Variants in THBS4 observed in about 807,000 individuals in gnomAD.
The protein encoded by THBS4 is thrombospondin 4.
Under a neutral mutation model 115.7 loss-of-function variants are expected in THBS4, and 90 were observed. The ratio of observed to expected loss-of-function variants is 0.78; its 90% CI spans 0.66 to 0.93. The LOEUF is 0.93. Ranked by LOEUF, THBS4 falls within the 40% of genes least tolerant of loss-of-function variation. THBS4 has a pLI of 0.00. For missense variants in THBS4, 1,087 were observed against 1,232.7 expected (o/e 0.88, Z 1.77); for synonymous variants, 460 against 479.3 (o/e 0.96, Z 0.53).
intron 2 of THBS4, among the ~76,000 whole-genome samples, chr5:80,055,227 C>A (rs435610): frequency 2.0e-5 from 3 of 151,834 alleles, no homozygotes; most frequent in African/African-American, 7.3e-5. Flanking sequence ...GAGGCTAAGA[C>A]AGAAGGATGA....
At chr5:80,002,983 A>T (rs1289991836) in intron 2 of THBS4, among the ~76,000 whole-genome samples, 2 of 151,872 alleles carry the variant, frequency 1.3e-5, no homozygotes, top group East Asian at 3.9e-4. Context: ...AAATTCCCTG[A>T]TTCTTAACAG....
intron 1 of THBS4, among the ~76,000 whole-genome samples, chr5:79,993,903 A>G (rs1346153810): frequency 3.9e-5 from 6 of 152,222 alleles, no homozygotes; most frequent in African/African-American, 1.4e-4. Flanking sequence ...AGATTCTGTA[A>G]TTTGTGTTCA....
At chr5:80,003,825 A>T (rs544940772) in intron 2 of THBS4, among the ~76,000 whole-genome samples, 1 of 152,316 alleles carries the variant, frequency 6.6e-6, no homozygotes, top group African/African-American at 2.4e-5. Flanking sequence ...CCTCTATAGC[A>T]TCTGGTATTT....
chr5:79,995,630 T>C (rs1831775910), intron 1 of THBS4, among the ~76,000 whole-genome samples: 1 of 152,076 alleles, frequency 6.6e-6, no homozygotes, highest in African/African-American at 2.4e-5. Flanking sequence ...TCCTAGAAAT[T>C]GCCCTAAGAG....
intron 20 of THBS4, among the ~76,000 whole-genome samples, chr5:80,080,635 G>A (rs1743455319): frequency 7.5e-6 from 1 of 134,200 alleles, no homozygotes. Context: ...TTGCCAGGCA[G>A]GAGTACTGTG....
chr5:80,003,341 G>A (rs1361249932), intron 2 of THBS4, among the ~76,000 whole-genome samples: 2 of 152,136 alleles, frequency 1.3e-5, no homozygotes, highest in African/African-American at 4.8e-5. Context: ...GATCAGAGGG[G>A]CAGAGGATGA....
intron 2 of THBS4, among the ~76,000 whole-genome samples, chr5:80,026,665 C>G (rs6874832): frequency 0.23 from 35,697 of 152,124 alleles, 4,639 homozygotes; most frequent in African/African-American, 0.34. Context: ...TTTCACATCA[C>G]AAATATTAAA....
intron 2 of THBS4, chr5:80,019,705 G>A: frequency 5.0e-6 from 1 of 198,220 alleles, no homozygotes; most frequent in Non-Finnish European, 1.1e-5. Flanking sequence ...CTGGGCTTGG[G>A]ATGTTGTGGT....
chr5:80,072,558 G>C, intron 14 of THBS4, 162 bp downstream of exon 14: 1 of 675,964 alleles, frequency 1.5e-6, no homozygotes, highest in Non-Finnish European at 2.6e-6. Context: ...GAAGATGGTG[G>C]GATGAACACC....
intron 2 of THBS4, among the ~76,000 whole-genome samples, chr5:80,020,593 G>A (rs1309241022): frequency 6.6e-6 from 1 of 152,216 alleles, no homozygotes; most frequent in African/African-American, 2.4e-5. Context: ...TGTACAAGGG[G>A]GAATGTGGAT....
chr5:80,080,115 G>A, intron 20 of THBS4, 38 bp downstream of exon 20: 1 of 1,593,048 alleles, frequency 6.3e-7, no homozygotes, highest in Non-Finnish European at 8.6e-7. Context: ...TGCTCTAGAA[G>A]CAAAGCATTC....
chr5:80,070,560 A>C (rs2112136508), intron 11 of THBS4, 83 bp from the exon 12 acceptor site: 1 of 1,436,262 alleles, frequency 7.0e-7, no homozygotes, highest in Admixed American at 1.7e-5. Flanking sequence ...CCAACAATAA[A>C]GCCACAGTGT....
chr5:79,998,318 T>A (rs1312533127), intron 1 of THBS4: 1 of 152,550 alleles, frequency 6.6e-6, no homozygotes, highest in African/African-American at 2.4e-5. Context: ...TTCTCTCTCT[T>A]CCTCCTGCTC....
chr5:80,045,844 T>C (rs1261976011), intron 2 of THBS4, among the ~76,000 whole-genome samples: 1 of 152,164 alleles, frequency 6.6e-6, no homozygotes, highest in Non-Finnish European at 1.5e-5. Context: ...TGGAGTCTTT[T>C]TAATGTACCA....
Position 80,058,253 on chromosome 5 carries a change from G to T in THBS4, c.588G>T (p.Gln196His). The T allele has an allele frequency of 1.6e-5, 26 of 1,579,636 alleles. No homozygotes were observed. Among genetic ancestry groups the T allele is most frequent in the Non-Finnish European group, 2.2e-5 (26 of 1,161,442 alleles). ...TGGTGGTGAGAGGCTCACTGTTCCAGGTGGCCAGCCTGCAAGACTGCTTCC... is the reference window on the plus strand; with the variant it reads ...TGGTGGTGAGAGGCTCACTGTTCCATGTGGCCAGCCTGCAAGACTGCTTCC... ...LKLVVRGSLF[Q>H]VASLQDCFLQ... Residue 196 changes from glutamine to histidine, a missense_variant, in exon 4 of 22, where the codon CAG becomes CAT. Around this residue, in one of 3 missense-constraint regions of THBS4, gnomAD observed 979 missense variants for 1,103.7 expected, o/e 0.89. Coordinates refer to ENST00000350881, the MANE Select transcript of THBS4 (RefSeq NM_003248.6).
In THBS4 at chr5:80,005,643, A is replaced by T. The variant is rs1452809639; in HGVS notation, n.177+7216A>T. Reference sequence around the variant, plus strand: ...AGTCTTGGTGTCCTGTTTTGTATAAAGGGGAACCTGATCCCTCTTCTGCCT... The same window carrying T: ...AGTCTTGGTGTCCTGTTTTGTATAATGGGGAACCTGATCCCTCTTCTGCCT... On this transcript the variant is annotated intron_variant and non_coding_transcript_variant, in intron 2 of 3. Coordinates refer to the THBS4 transcript ENST00000510218. Among the ~76,000 whole-genome samples the T allele has an allele frequency of 2.0e-5, 3 of 152,118 alleles. No individual in the cohort carries two copies. The East Asian group carries it at 5.8e-4, about 29-fold the overall frequency.
chr5:80,083,265 G>A lies in THBS4; in HGVS notation c.*124G>A. On this transcript the variant is annotated 3_prime_UTR_variant, in exon 22 of 22. Coordinates refer to ENST00000350881, the MANE Select transcript of THBS4 (RefSeq NM_003248.6). ...CGTTTTATGTGAATGTGGCAATAAA[G>A]GAGAAGAGATCATTTTTAAAAACCG... 1 of 851,380 alleles carries A rather than the reference G, an allele frequency of 1.2e-6. No individual in the cohort carries two copies. Among genetic ancestry groups the A allele is most frequent in the South Asian group, 1.5e-5 (1 of 65,752 alleles). 52.7% of individuals were successfully genotyped at this position (851,380 alleles called of 1,614,324 possible).
intron 2 of THBS4, among the ~76,000 whole-genome samples, chr5:80,018,403 T>TTC (rs1374869630): frequency 2.0e-5 from 3 of 147,256 alleles, no homozygotes; most frequent in African/African-American, 7.5e-5. Flanking sequence ...TTTTTTTTTT[T>TTC]TTTTTTTTGA....
At position 80,058,840 on chromosome 5, in the gene THBS4, C is replaced by G. The variant is rs1167037145; in HGVS notation, c.732+50C>G. On this transcript the variant is annotated intron_variant, in intron 5 of 21. Transcript: ENST00000350881. Reference sequence around the variant, plus strand: ...AAAAGCCCTCGTCTTCTTAGAGCAGCTCCCCACAAGCTAGTGGAGCTGCAG... The same window carrying G: ...AAAAGCCCTCGTCTTCTTAGAGCAGGTCCCCACAAGCTAGTGGAGCTGCAG... 4.5e-6 allele frequency: 7 copies of G among 1,556,432 alleles called. No individual in the cohort carries two copies. The Admixed American group carries it at 5.3e-5, about 12-fold the overall frequency.
Sources: allele counts gnomAD v4.1 joint callset (sites outside exome capture counted in the v4.1 genomes callset), GRCh38; gene constraint gnomAD v4.1.1; regional missense constraint gnomAD v4.1.1; transcripts MANE v1.5; gene names NCBI Gene and HGNC (gene_info 2026-07-23, HGNC 2026-07-21).